CCSER1: variants seen among roughly 807,000 people sequenced by gnomAD.
CCSER1 encodes the protein serine-rich coiled-coil domain-containing protein 1.
A neutral mutation model predicts 82.0 loss-of-function variants in CCSER1; 41 were observed. The observed-to-expected ratio is 0.50, with a 90% CI of 0.39 to 0.65. The LOEUF is 0.65. Among genes scored for constraint, CCSER1 ranks in the 30% least tolerant of loss-of-function variants. The pLI is 0.00. For synonymous variants in CCSER1, 414 were observed against 383.9 expected (o/e 1.08, Z -0.92); for missense variants, 1,119 against 1,064.2 (o/e 1.05, Z -0.72).
At chr4:91,084,974 C>T (rs1381011783) in intron 9 of CCSER1, among the ~76,000 whole-genome samples, 1 of 151,950 alleles carries the variant, frequency 6.6e-6, no homozygotes, top group Non-Finnish European at 1.5e-5. Flanking sequence ...TACTTAACTA[C>T]AATATTGCAC....
chr4:90,195,244 C>A (rs1363035330), intron 1 of CCSER1, among the ~76,000 whole-genome samples: 1 of 151,962 alleles, frequency 6.6e-6, no homozygotes, highest in Non-Finnish European at 1.5e-5. Context: ...TGTGACCCAT[C>A]CAGACAATGG....
chr4:90,397,479 A>T (rs751929821), intron 3 of CCSER1, among the ~76,000 whole-genome samples: 3 of 152,348 alleles, frequency 2.0e-5, no homozygotes, highest in South Asian at 4.1e-4. Context: ...AACATCATGT[A>T]TGCCTCTGGA....
At chr4:90,509,475 G>A (rs1028565397) in intron 5 of CCSER1, among the ~76,000 whole-genome samples, 2 of 152,036 alleles carry the variant, frequency 1.3e-5, no homozygotes, top group Non-Finnish European at 2.9e-5. Flanking sequence ...ATTAAAACAA[G>A]GAATTGAGTC....
chr4:90,708,623 CTTTATTA>C (rs2149314253), intron 6 of CCSER1, among the ~76,000 whole-genome samples: 1 of 152,096 alleles, frequency 6.6e-6, no homozygotes, highest in East Asian at 1.9e-4. Context: ...CAGTCTTTGT[CTTTATTA>C]TTTATTTATG....
At chr4:90,875,512 T>C (rs1166345637) in intron 8 of CCSER1, among the ~76,000 whole-genome samples, 1 of 152,296 alleles carries the variant, frequency 6.6e-6, no homozygotes, top group South Asian at 2.1e-4. Context: ...CATTTTTGGA[T>C]AAATAATGAT....
At chr4:91,552,468 G>C (rs1762202541) in intron 10 of CCSER1, among the ~76,000 whole-genome samples, 2 of 151,708 alleles carry the variant, frequency 1.3e-5, no homozygotes, top group Admixed American at 1.3e-4. Flanking sequence ...ATTATACAGA[G>C]TCATAATTTG....
chr4:90,243,768 G>A (rs535127423), intron 1 of CCSER1, among the ~76,000 whole-genome samples: 38 of 151,974 alleles, frequency 2.5e-4, no homozygotes, highest in Admixed American at 7.2e-4. Context: ...AGGTGAAAAC[G>A]AAAATGTGAC....
At chr4:91,068,174 G>C (rs1412393100) in intron 9 of CCSER1, among the ~76,000 whole-genome samples, 1 of 152,144 alleles carries the variant, frequency 6.6e-6, no homozygotes, top group Non-Finnish European at 1.5e-5. Context: ...TCTTCTCAAT[G>C]TTCATGGATT....
intron 10 of CCSER1, among the ~76,000 whole-genome samples, chr4:91,425,919 G>A (rs1753941107): frequency 6.6e-6 from 1 of 152,134 alleles, no homozygotes; most frequent in East Asian, 1.9e-4. Context: ...CTTTAAGACT[G>A]GTATACATGT....
At position 91,014,601 on chromosome 4, in the gene CCSER1, A is replaced by C. The variant is rs1739264064; in HGVS notation, c.2173-71349A>C. Among the ~76,000 whole-genome samples, 2 of 87,228 alleles carry C rather than the reference A, an allele frequency of 2.3e-5. 1 individual carries two copies. Among genetic ancestry groups the C allele is most frequent in the South Asian group, 7.2e-4 (2 of 2,766 alleles). 57.2% of individuals were successfully genotyped at this position (87,228 alleles called of 152,430 possible). ...TAACCTTATCTGAAGCAGTTATACT[A>C]ACTGCATGATGCAAACATTTTCTTG... On this transcript the variant is annotated intron_variant, in intron 9 of 10. Transcript: ENST00000509176.
At chr4:91,165,123 A>G (rs1331225804) in intron 10 of CCSER1, among the ~76,000 whole-genome samples, 1 of 151,936 alleles carries the variant, frequency 6.6e-6, no homozygotes, top group Non-Finnish European at 1.5e-5. Context: ...TTTGGTTCGG[A>G]TGTCCTTTTT....
At chr4:90,624,750 C>T (rs980231840) in intron 5 of CCSER1, among the ~76,000 whole-genome samples, 1 of 152,080 alleles carries the variant, frequency 6.6e-6, no homozygotes, top group Non-Finnish European at 1.5e-5. Flanking sequence ...TACTTATGGA[C>T]TTAGAAAAGT....
chr4:91,492,368 G>A (rs1432223284), intron 10 of CCSER1, among the ~76,000 whole-genome samples: 1 of 151,984 alleles, frequency 6.6e-6, no homozygotes, highest in Non-Finnish European at 1.5e-5. Flanking sequence ...ATCCTATAAA[G>A]AGCCAAATTT....
intron 1 of CCSER1, among the ~76,000 whole-genome samples, chr4:90,238,265 A>C (rs1746170139): frequency 6.6e-6 from 1 of 152,152 alleles, no homozygotes; most frequent in Admixed American, 6.6e-5. Flanking sequence ...AATCCACTCC[A>C]GGAATGGTAT....
chr4:90,616,730 CACACACACAAAT>C (rs1276864662), intron 5 of CCSER1, among the ~76,000 whole-genome samples: 23 of 88,372 alleles, frequency 2.6e-4, no homozygotes, highest in African/African-American at 6.4e-4. Context: ...CACACACACA[CACACACACAAAT>C]AAAATAAAAT....
chr4:90,518,958 T>A (rs556626595), intron 5 of CCSER1, among the ~76,000 whole-genome samples: 75 of 152,040 alleles, frequency 4.9e-4, no homozygotes, highest in African/African-American at 1.6e-3. Flanking sequence ...CAAATTTGTT[T>A]CCAATAAATA....
In CCSER1 at chr4:91,461,439, G is replaced by T. The variant is rs186102522; in HGVS notation, c.2218-137133G>T. ...TGGCACAGATGGAATTTGCACACAT[G>T]TAGTTTAGTCTAGAGTGTGTAAAAT... On this transcript the variant is annotated intron_variant, in intron 10 of 10. Coordinates refer to ENST00000509176, the MANE Select transcript of CCSER1 (RefSeq NM_001145065.2). 9.2e-4 allele frequency among the ~76,000 whole-genome samples: 140 copies of T among 152,204 alleles called. 1 individual carries two copies. The highest frequency in any genetic ancestry group is 6.8e-3 in the Middle Eastern group (2 of 294).
At chr4:91,570,348 T>C (rs2110282166) in intron 10 of CCSER1, among the ~76,000 whole-genome samples, 1 of 152,306 alleles carries the variant, frequency 6.6e-6, no homozygotes, top group African/African-American at 2.4e-5. Flanking sequence ...AGTGCCCCAG[T>C]GGGGACTCTA....
chr4:91,062,282 C>A (rs1461591), intron 9 of CCSER1, among the ~76,000 whole-genome samples: 1 of 151,836 alleles, frequency 6.6e-6, no homozygotes, highest in African/African-American at 2.4e-5. Context: ...AACACTCAAA[C>A]TCCCCCTTGC....
Sources: gnomAD v4.1 joint callset for allele counts (sites outside exome capture counted in the v4.1 genomes callset) on GRCh38, gnomAD v4.1.1 for gene constraint, MANE v1.5 for transcripts, NCBI Gene and HGNC (gene_info 2026-07-23, HGNC 2026-07-21) for gene names.